The following CCSER1 variants were observed in gnomAD, a reference collection of about 807,000 sequenced individuals.
CCSER1 encodes the protein serine-rich coiled-coil domain-containing protein 1.
A neutral mutation model predicts 82.0 loss-of-function variants in CCSER1; 41 were observed. The observed-to-expected ratio is 0.50, with a 90% CI of 0.39 to 0.65. The LOEUF (loss-of-function observed/expected upper bound fraction) is 0.65, where lower values mean the gene tolerates loss of function less well. CCSER1 is among the 30% of genes least tolerant of loss of function. The probability of loss-of-function intolerance (pLI) is 0.00; values close to 1 mark genes in which losing one functional copy is unlikely to be tolerated. For synonymous variants in CCSER1, 414 were observed against 383.9 expected (o/e 1.08, Z -0.92); for missense variants, 1,119 against 1,064.2 (o/e 1.05, Z -0.72).
At chr4:91,079,711 G>C (rs1175598289) in intron 9 of CCSER1, among the ~76,000 whole-genome samples, 1 of 152,126 alleles carries the variant, frequency 6.6e-6, no homozygotes, top group East Asian at 1.9e-4. Flanking sequence ...TCAAAATAAA[G>C]GGATGCAGGA....
At chr4:91,091,604 G>A (rs569688504) in intron 10 of CCSER1, among the ~76,000 whole-genome samples, 21 of 152,226 alleles carry the variant, frequency 1.4e-4, no homozygotes, top group Admixed American at 3.3e-4. Flanking sequence ...GTCAGCTTCC[G>A]GGTGTGACTG....
intron 10 of CCSER1, among the ~76,000 whole-genome samples, chr4:91,250,851 G>A (rs1174194937): frequency 2.6e-5 from 4 of 151,696 alleles, no homozygotes; most frequent in Non-Finnish European, 4.4e-5. Flanking sequence ...AAAAACAGAA[G>A]GAAATATCAA....
At chr4:90,343,331 G>C (rs954808113) in intron 3 of CCSER1, among the ~76,000 whole-genome samples, 1 of 152,132 alleles carries the variant, frequency 6.6e-6, no homozygotes. Context: ...TTATCACCTA[G>C]GTGATTGCAG....
intron 10 of CCSER1, among the ~76,000 whole-genome samples, chr4:91,178,334 G>T (rs999201596): frequency 1.3e-5 from 2 of 152,088 alleles, no homozygotes; most frequent in Non-Finnish European, 1.5e-5. Context: ...GGTCTGCTTG[G>T]TGCAGAGCTG....
intron 3 of CCSER1, among the ~76,000 whole-genome samples, chr4:90,382,999 C>A (rs778025852): frequency 2.6e-5 from 4 of 151,998 alleles, no homozygotes; most frequent in Non-Finnish European, 5.9e-5. Context: ...CAAGGCTGTT[C>A]CAGGTGTTGT....
intron 10 of CCSER1, among the ~76,000 whole-genome samples, chr4:91,433,190 G>C (rs187667634): frequency 5.9e-5 from 9 of 152,256 alleles, no homozygotes; most frequent in Admixed American, 5.2e-4. Flanking sequence ...GTGAGATTTA[G>C]AAAGTATAGT....
intron 10 of CCSER1, among the ~76,000 whole-genome samples, chr4:91,415,674 G>C (rs908803407): frequency 6.6e-6 from 1 of 152,042 alleles, no homozygotes; most frequent in African/African-American, 2.4e-5. Context: ...TAATCATATG[G>C]TTTCTGTATT....
intron 10 of CCSER1, among the ~76,000 whole-genome samples, chr4:91,175,731 G>T (rs1321788452): frequency 6.6e-6 from 1 of 152,128 alleles, no homozygotes; most frequent in African/African-American, 2.4e-5. Context: ...TTAGCCCTTT[G>T]TCAGATGGGT....
At chr4:90,416,180 C>T (rs1755757546) in intron 4 of CCSER1, among the ~76,000 whole-genome samples, 1 of 151,666 alleles carries the variant, frequency 6.6e-6, no homozygotes, top group Non-Finnish European at 1.5e-5. Context: ...TTTTTTTTAC[C>T]TTGACTATAT....
At chr4:90,833,323 A>T (rs1761370938) in intron 8 of CCSER1, among the ~76,000 whole-genome samples, 1 of 152,204 alleles carries the variant, frequency 6.6e-6, no homozygotes, top group South Asian at 2.1e-4. Flanking sequence ...GCCTGATCAC[A>T]TCCTAAATGC....
chr4:91,524,934 A>C lies in CCSER1; in HGVS notation c.2218-73638A>C, dbSNP rs138412809. On this transcript the variant is annotated intron_variant, in intron 10 of 10. Coordinates refer to ENST00000509176, the MANE Select transcript of CCSER1 (RefSeq NM_001145065.2). ...GGGAGGATAAAGTGTTTCTTGACAGAATACATAAATTATTTTCATTAGGAA... is the reference window on the plus strand; with the variant it reads ...GGGAGGATAAAGTGTTTCTTGACAGCATACATAAATTATTTTCATTAGGAA... Among the ~76,000 whole-genome samples, 429 of 152,250 alleles carry C rather than the reference A, an allele frequency of 2.8e-3. 3 individuals are homozygous for C. Among genetic ancestry groups the C allele is most frequent in the African/African-American group, 0.01 (419 of 41,552 alleles).
At chr4:91,441,228 A>C (rs915412174) in intron 10 of CCSER1, among the ~76,000 whole-genome samples, 1 of 151,744 alleles carries the variant, frequency 6.6e-6, no homozygotes, top group Admixed American at 6.6e-5. Context: ...TCAATAAAAT[A>C]CTGGCAAACC....
intron 10 of CCSER1, among the ~76,000 whole-genome samples, chr4:91,595,352 T>C (rs934675563): frequency 6.6e-6 from 1 of 152,188 alleles, no homozygotes; most frequent in Non-Finnish European, 1.5e-5. Context: ...CTGTGTTCTG[T>C]GGAACCAAAC....
intron 10 of CCSER1, among the ~76,000 whole-genome samples, chr4:91,254,595 A>C (rs1009481370): frequency 6.6e-6 from 1 of 152,148 alleles, no homozygotes; most frequent in African/African-American, 2.4e-5. Context: ...CAGTTTTACA[A>C]GATTCATTAT....
chr4:90,345,795 A>C (rs1375425001), intron 3 of CCSER1, among the ~76,000 whole-genome samples: 2 of 152,218 alleles, frequency 1.3e-5, no homozygotes, highest in African/African-American at 4.8e-5. Context: ...TCTATCTTCT[A>C]AACCATATTT....
intron 7 of CCSER1, among the ~76,000 whole-genome samples, chr4:90,760,179 G>A (rs1238571209): frequency 2.0e-5 from 3 of 151,736 alleles, no homozygotes; most frequent in Non-Finnish European, 4.4e-5. Flanking sequence ...GTGCCATTTC[G>A]GGTTGAAAAG....
chr4:90,940,648 G>A (rs1731483170), intron 9 of CCSER1, among the ~76,000 whole-genome samples: 1 of 152,040 alleles, frequency 6.6e-6, no homozygotes, highest in South Asian at 2.1e-4. Flanking sequence ...CCAAAAGGGG[G>A]ACAAGAGACA....
intron 1 of CCSER1, among the ~76,000 whole-genome samples, chr4:90,203,009 C>G (rs1428896480): frequency 6.6e-6 from 1 of 152,048 alleles, no homozygotes; most frequent in African/African-American, 2.4e-5. Flanking sequence ...TGATAGTAAA[C>G]TGTAAAATTT....
intron 1 of CCSER1, among the ~76,000 whole-genome samples, chr4:90,216,999 G>A (rs572332507): frequency 6.6e-6 from 1 of 152,018 alleles, no homozygotes; most frequent in African/African-American, 2.4e-5. Flanking sequence ...GATCTTTTAC[G>A]TCCTTGGTTA....
Sources: gnomAD v4.1 joint callset for allele counts (sites outside exome capture counted in the v4.1 genomes callset) on GRCh38, gnomAD v4.1.1 for gene constraint, MANE v1.5 for transcripts, NCBI Gene and HGNC (gene_info 2026-07-23, HGNC 2026-07-21) for gene names.